The following GSG1L variants were observed in gnomAD, a reference collection of about 807,000 sequenced individuals.
The protein encoded by GSG1L is germ cell-specific gene 1-like protein.
In GSG1L, 24 loss-of-function variants were observed where a neutral mutation model predicts 42.1. The observed-to-expected ratio is 0.57, with a 90% CI of 0.41 to 0.80. The LOEUF (loss-of-function observed/expected upper bound fraction) is 0.80. GSG1L is among the 30% of genes least tolerant of loss of function. GSG1L has a pLI of 0.00. For synonymous variants in GSG1L, 215 were observed against 203.5 expected (o/e 1.06, Z -0.48); for missense variants, 445 against 472.2 (o/e 0.94, Z 0.53).
At chr16:27,858,007 G>A (rs2083601589) in intron 3 of GSG1L, among the ~76,000 whole-genome samples, 1 of 152,090 alleles carries the variant, frequency 6.6e-6, no homozygotes, top group African/African-American at 2.4e-5. Context: ...TGAGCCCTTT[G>A]CAAGCCACCT....
intron 3 of GSG1L, among the ~76,000 whole-genome samples, chr16:27,876,843 G>A (rs2083893982): frequency 6.6e-6 from 1 of 152,170 alleles, no homozygotes; most frequent in Admixed American, 6.5e-5. Flanking sequence ...CTTGTCTTTG[G>A]TAATTTGGGT....
chr16:27,979,824 A>G (rs1244608642), intron 1 of GSG1L, among the ~76,000 whole-genome samples: 2 of 142,744 alleles, frequency 1.4e-5, no homozygotes, highest in African/African-American at 5.3e-5. Context: ...AAAAGAAAGA[A>G]AGAGAGAGAG....
At chr16:28,012,703 CA>C (rs746062741) in intron 1 of GSG1L, among the ~76,000 whole-genome samples, 12 of 151,984 alleles carry the variant, frequency 7.9e-5, no homozygotes, top group African/African-American at 1.2e-4. Flanking sequence ...CTCAGCTACA[CA>C]GCAAGACCGT....
rs905348746 is a variant in GSG1L, at chr16:27,787,955, G to A, written c.*3415C>T. The A allele has an allele frequency of 2.0e-5, 3 of 152,100 alleles. No individual in the cohort carries two copies. Among genetic ancestry groups the A allele is most frequent in the South Asian group, 2.1e-4 (1 of 4,814 alleles). 9.4% of individuals were successfully genotyped at this position (152,100 alleles called of 1,614,324 possible). ...GAGCTGGACCATAATTGCTCTCCCAGGCCCATTTCCAGCCCCGCCTTAAGC... is the reference window on the plus strand; with the variant it reads ...GAGCTGGACCATAATTGCTCTCCCAAGCCCATTTCCAGCCCCGCCTTAAGC... On this transcript the variant is annotated 3_prime_UTR_variant, in exon 7 of 7. Coordinates refer to ENST00000447459, the MANE Select transcript of GSG1L (RefSeq NM_001109763.2).
intron 2 of GSG1L, among the ~76,000 whole-genome samples, chr16:27,947,577 G>GA (rs146248128): frequency 8.4e-6 from 1 of 118,492 alleles, no homozygotes; most frequent in Non-Finnish European, 1.9e-5. Flanking sequence ...AAGAAAGAAA[G>GA]AAAGAAAGAA....
intron 5 of GSG1L, among the ~76,000 whole-genome samples, chr16:27,812,061 G>C (rs2083037428): frequency 6.6e-6 from 1 of 152,178 alleles, no homozygotes; most frequent in Non-Finnish European, 1.5e-5. Context: ...GTGAGCAAAG[G>C]GGCTGATGTC....
intron 1 of GSG1L, among the ~76,000 whole-genome samples, chr16:28,049,076 CT>C (rs1338884502): frequency 6.6e-6 from 1 of 152,132 alleles, no homozygotes; most frequent in Non-Finnish European, 1.5e-5. Context: ...TCGGCTCTCT[CT>C]GGAGGTCTGG....
chr16:27,815,868 G>A (rs769389531), intron 5 of GSG1L, among the ~76,000 whole-genome samples: 87 of 152,252 alleles, frequency 5.7e-4, no homozygotes, highest in Middle Eastern at 3.4e-3. Flanking sequence ...CCAACTACTC[G>A]GGAGGCTGAG....
chr16:27,997,652 G>A (rs2141140723), intron 1 of GSG1L, among the ~76,000 whole-genome samples: 1 of 151,692 alleles, frequency 6.6e-6, no homozygotes, highest in South Asian at 2.1e-4. Context: ...ATCTTTGCTT[G>A]TTTTCTATTG....
At chr16:28,030,011 A>G (rs1003117535) in intron 1 of GSG1L, among the ~76,000 whole-genome samples, 3 of 152,226 alleles carry the variant, frequency 2.0e-5, no homozygotes, top group Non-Finnish European at 4.4e-5. Flanking sequence ...CCCTGAAGGA[A>G]GAGGAAGAAT....
At chr16:27,849,536 G>T (rs748497284) in intron 3 of GSG1L, among the ~76,000 whole-genome samples, 2 of 151,968 alleles carry the variant, frequency 1.3e-5, no homozygotes, top group Non-Finnish European at 2.9e-5. Flanking sequence ...TAGTTTGTTT[G>T]TTTACTTTTG....
chr16:28,046,311 G>A (rs925446411), intron 1 of GSG1L, among the ~76,000 whole-genome samples: 3 of 148,012 alleles, frequency 2.0e-5, no homozygotes, highest in African/African-American at 7.5e-5. Context: ...ACTGGGGAGT[G>A]TGCCACATGC....
intron 1 of GSG1L, among the ~76,000 whole-genome samples, chr16:28,003,477 C>T (rs1376785846): frequency 6.6e-6 from 1 of 152,218 alleles, no homozygotes; most frequent in African/African-American, 2.4e-5. Flanking sequence ...AGCCAACCCA[C>T]CTCCCAGAGT....
chr16:27,787,587 T>C lies in GSG1L; in HGVS notation c.*3783A>G, dbSNP rs2082707611. 1 of 152,278 alleles carries C rather than the reference T, an allele frequency of 6.6e-6. No homozygotes were observed. The highest frequency in any genetic ancestry group is 2.4e-5 in the African/African-American group (1 of 41,474). The allele number at this position is 152,278 out of a possible 1,614,324, so 9.4% of individuals were successfully genotyped here. A position where few individuals can be genotyped will look rare whatever the true frequency, so the allele number is the denominator to read the frequency against. On this transcript the variant is annotated 3_prime_UTR_variant, in exon 7 of 7. Transcript: ENST00000447459. The stretch of plus-strand genomic sequence containing the variant: ...TAAGCCAACTCTTTTTTTCTTTTAC[T>C]TAAATGCCTATTTTGGTTTCATCCT...
intron 2 of GSG1L, among the ~76,000 whole-genome samples, chr16:27,903,481 C>T (rs928539155): frequency 6.6e-6 from 1 of 152,174 alleles, no homozygotes; most frequent in Non-Finnish European, 1.5e-5. Context: ...TCGTCCCCTG[C>T]GGACCCCGGG....
At chr16:27,915,780 A>T (rs2141057373) in intron 2 of GSG1L, among the ~76,000 whole-genome samples, 1 of 152,306 alleles carries the variant, frequency 6.6e-6, no homozygotes, top group Admixed American at 6.5e-5. Context: ...CAGTGGGACC[A>T]TGTCTCTAAA....
intron 2 of GSG1L, among the ~76,000 whole-genome samples, chr16:27,897,796 C>T (rs1006628810): frequency 6.6e-6 from 1 of 152,106 alleles, no homozygotes; most frequent in African/African-American, 2.4e-5. Context: ...CTTTTCCTAA[C>T]CTCTCTGAGC....
chr16:27,928,248 C>T (rs546082483), intron 2 of GSG1L, among the ~76,000 whole-genome samples: 1 of 152,314 alleles, frequency 6.6e-6, no homozygotes, highest in South Asian at 2.1e-4. Flanking sequence ...GAAACTGAGG[C>T]TCAGGAGGTT....
In GSG1L at chr16:27,828,860, C is replaced by A. The variant is rs200764343; in HGVS notation, c.759G>T (p.Lys253Asn). Residue 253 changes from lysine to asparagine, a missense_variant, in exon 5 of 7, where the codon AAG (lysine) becomes AAT (asparagine). Physicochemically the swap from Lys to Asn is moderately conservative, Grantham distance 94 (BLOSUM62 0). Around this residue, in one of 3 missense-constraint regions of GSG1L, gnomAD observed 140 missense variants for 120.6 expected, o/e 1.16. Coordinates refer to ENST00000447459, the MANE Select transcript of GSG1L (RefSeq NM_001109763.2). ...CTTCCCGGTAGCCCTGCTCAAAGAC[C>A]TTGCGCTTGTGCCGGAACTCAATGA... Reference protein sequence around the residue: ...KTVIEFRHKRKVFEQGYREEP... With the variant: ...KTVIEFRHKRNVFEQGYREEP... 2 of 1,614,206 alleles carry A rather than the reference C, an allele frequency of 1.2e-6. No individual in the cohort carries two copies. The highest frequency in any genetic ancestry group is 2.2e-5 in the South Asian group (2 of 91,074).
Sources: gnomAD v4.1 joint callset for allele counts (sites outside exome capture counted in the v4.1 genomes callset) on GRCh38, gnomAD v4.1.1 for gene constraint, gnomAD v4.1.1 regional missense constraint, MANE v1.5 for transcripts, NCBI Gene and HGNC (gene_info 2026-07-23, HGNC 2026-07-21) for gene names.